Variants in PKHD1 observed in about 807,000 individuals in gnomAD.
PKHD1 encodes the protein PKHD1 ciliary IPT domain containing fibrocystin/polyductin.
Under a neutral mutation model 412.0 loss-of-function variants are expected in PKHD1, and 291 were observed. The ratio of observed to expected loss-of-function variants is 0.71; its 90% CI spans 0.64 to 0.78. The LOEUF is 0.78. Among genes scored for constraint, PKHD1 ranks in the 30% least tolerant of loss-of-function variants. The pLI is 0.00. For synonymous variants in PKHD1, 1,777 were observed against 1,821.5 expected (o/e 0.98, Z 0.62); for missense variants, 4,825 against 4,950.7 (o/e 0.97, Z 0.76).
At chr6:51,858,724 C>T (rs1376519149) in intron 48 of PKHD1, among the ~76,000 whole-genome samples, 1 of 152,088 alleles carries the variant, frequency 6.6e-6, no homozygotes, top group Non-Finnish European at 1.5e-5. Context: ...AAGTGCCTTT[C>T]ATATAGTGGG....
intron 30 of PKHD1, 123 bp downstream of exon 30, chr6:52,028,033 T>C (rs1364425714): frequency 8.4e-7 from 1 of 1,196,150 alleles, no homozygotes; most frequent in Non-Finnish European, 1.3e-6. Flanking sequence ...AATGTTATGA[T>C]GTTCATGTCT....
rs1216248360 is a variant in PKHD1, at chr6:51,981,345, C to A, written c.5752-21319G>T. On this transcript the variant is annotated intron_variant, in intron 35 of 66. Transcript: ENST00000371117. ...TCCCTCTCCCTCTCCCTCTCCCTCT[C>A]CCTCTCCCTCTCCCTCTCCCTCTCC... Among the ~76,000 whole-genome samples, 89 of 95,762 alleles carry A rather than the reference C, an allele frequency of 9.3e-4. 1 individual carries two copies. The highest frequency in any genetic ancestry group is 3.3e-3 in the African/African-American group (88 of 27,032). 62.8% of individuals were successfully genotyped at this position (95,762 alleles called of 152,430 possible).
At chr6:51,719,944 T>C (rs1458598722) in intron 60 of PKHD1, among the ~76,000 whole-genome samples, 1 of 152,204 alleles carries the variant, frequency 6.6e-6, no homozygotes, top group African/African-American at 2.4e-5. Context: ...GATTTTACTA[T>C]GCATATTTTT....
At chr6:51,778,184 A>G (rs1042066457) in intron 53 of PKHD1, among the ~76,000 whole-genome samples, 1 of 152,122 alleles carries the variant, frequency 6.6e-6, no homozygotes, top group Non-Finnish European at 1.5e-5. Flanking sequence ...AAATGAGGGT[A>G]GCCACCTCTG....
intron 55 of PKHD1, among the ~76,000 whole-genome samples, chr6:51,769,539 T>TA (rs1301968841): frequency 1.3e-5 from 2 of 151,516 alleles, no homozygotes; most frequent in African/African-American, 4.8e-5. Flanking sequence ...TTGGTATGAT[T>TA]AAAGTTATTA....
intron 54 of PKHD1, among the ~76,000 whole-genome samples, chr6:51,773,281 G>A (rs6927544): frequency 0.34 from 52,249 of 151,766 alleles, 11,094 homozygotes; most frequent in East Asian, 0.67. Flanking sequence ...TCAAGGGAGA[G>A]ATTTCTAAGT....
chr6:51,921,347 G>T (rs532397442), intron 37 of PKHD1, among the ~76,000 whole-genome samples: 1 of 152,080 alleles, frequency 6.6e-6, no homozygotes, highest in Non-Finnish European at 1.5e-5. Context: ...TTTCTCTCTG[G>T]CTGCCCTTAA....
At chr6:51,636,072 A>G (rs763867856) in intron 64 of PKHD1, among the ~76,000 whole-genome samples, 2 of 152,164 alleles carry the variant, frequency 1.3e-5, no homozygotes, top group Non-Finnish European at 2.9e-5. Context: ...ATCTCTTGAC[A>G]GTGTCTCAGG....
intron 13 of PKHD1, among the ~76,000 whole-genome samples, chr6:52,064,082 C>T (rs1809117847): frequency 6.6e-6 from 1 of 152,226 alleles, no homozygotes; most frequent in Admixed American, 6.5e-5. Context: ...AATTCTCAAG[C>T]CAAAACTTTG....
At chr6:51,863,238 T>C (rs1194421418) in intron 48 of PKHD1, among the ~76,000 whole-genome samples, 2 of 135,450 alleles carry the variant, frequency 1.5e-5, no homozygotes, top group East Asian at 6.5e-4. Flanking sequence ...AAAAATAATT[T>C]CAAACATGTA....
intron 55 of PKHD1, among the ~76,000 whole-genome samples, chr6:51,767,072 A>G (rs1789174898): frequency 6.6e-6 from 1 of 151,958 alleles, no homozygotes; most frequent in Admixed American, 6.6e-5. Flanking sequence ...TTTCTAAAGG[A>G]TTTACTAATT....
chr6:51,722,233 TAC>T (rs892176914), intron 60 of PKHD1, among the ~76,000 whole-genome samples: 2 of 152,160 alleles, frequency 1.3e-5, no homozygotes, highest in African/African-American at 4.8e-5. Flanking sequence ...GCTCTCAGAG[TAC>T]AGATTATACA....
At chr6:51,623,709 G>A (rs1263927124) in intron 66 of PKHD1, among the ~76,000 whole-genome samples, 4 of 151,956 alleles carry the variant, frequency 2.6e-5, no homozygotes, top group South Asian at 4.1e-4. Context: ...TCAGCCTCCC[G>A]AGTAGCTGTG....
chr6:51,837,698 C>T (rs1274973507), intron 50 of PKHD1, among the ~76,000 whole-genome samples: 1 of 151,856 alleles, frequency 6.6e-6, no homozygotes, highest in African/African-American at 2.4e-5. Flanking sequence ...CAGAGCAAGA[C>T]TCTGTCTTGA....
intron 5 of PKHD1, 47 bp downstream of exon 5, chr6:52,079,853 C>T: frequency 9.3e-7 from 1 of 1,075,314 alleles, no homozygotes; most frequent in East Asian, 2.4e-5. Flanking sequence ...AACACAAGCA[C>T]ACCCTTAGAC....
chr6:51,751,917 T>C (rs933126796), intron 57 of PKHD1, among the ~76,000 whole-genome samples: 7 of 152,142 alleles, frequency 4.6e-5, no homozygotes, highest in South Asian at 2.1e-4. Flanking sequence ...AAACACAAAA[T>C]AGAGTTTCTG....
At chr6:52,024,106 A>G (rs761169312) in intron 32 of PKHD1, among the ~76,000 whole-genome samples, 3 of 152,234 alleles carry the variant, frequency 2.0e-5, no homozygotes, top group Non-Finnish European at 2.9e-5. Context: ...AGTCCAACCA[A>G]TTTAATTGTT....
chr6:51,690,000 G>A (rs571582291), intron 60 of PKHD1, among the ~76,000 whole-genome samples: 13 of 152,060 alleles, frequency 8.5e-5, no homozygotes, highest in South Asian at 8.3e-4. Flanking sequence ...TAGGCCAGGC[G>A]TGGTGGCTCA....
At chr6:52,034,075 G>T (rs1326010490) in intron 28 of PKHD1, among the ~76,000 whole-genome samples, 1 of 151,800 alleles carries the variant, frequency 6.6e-6, no homozygotes, top group East Asian at 1.9e-4. Context: ...GTTGCAGTGA[G>T]CCGTGATTGT....
Sources: allele counts gnomAD v4.1 joint callset (sites outside exome capture counted in the v4.1 genomes callset), GRCh38; gene constraint gnomAD v4.1.1; transcripts MANE v1.5; gene names NCBI Gene and HGNC (gene_info 2026-07-23, HGNC 2026-07-21).